The following CHST11 variants were observed in gnomAD, a reference collection of about 807,000 sequenced individuals.
CHST11 encodes the protein carbohydrate sulfotransferase 11.
In CHST11, 9 loss-of-function variants were observed where a neutral mutation model predicts 30.4. The ratio of observed to expected loss-of-function variants is 0.30; its 90% CI spans 0.18 to 0.52. CHST11 has a LOEUF of 0.52. Among genes scored for constraint, CHST11 ranks in the 20% least tolerant of loss-of-function variants. The pLI, the probability that CHST11 is intolerant of heterozygous loss-of-function variation, is 0.97. For synonymous variants in CHST11, 152 were observed against 187.8 expected, an observed-to-expected ratio of 0.81 and a Z score of 1.56; for missense variants, 348 against 460.6, an observed-to-expected ratio of 0.76 and a Z score of 2.24.
chr12:104,690,505 TA>T (rs1288452820), intron 2 of CHST11, among the ~76,000 whole-genome samples: 1 of 152,176 alleles, frequency 6.6e-6, no homozygotes, highest in Non-Finnish European at 1.5e-5. Flanking sequence ...TGGCCAGTCA[TA>T]AAACAATGAC....
At chr12:104,710,246 T>A (rs2040075220) in intron 2 of CHST11, among the ~76,000 whole-genome samples, 1 of 152,162 alleles carries the variant, frequency 6.6e-6, no homozygotes, top group Non-Finnish European at 1.5e-5. Flanking sequence ...CCTTGATTCC[T>A]CTGTCAGCTG....
intron 2 of CHST11, among the ~76,000 whole-genome samples, chr12:104,607,500 A>T (rs944516718): frequency 2.0e-5 from 3 of 152,140 alleles, no homozygotes; most frequent in African/African-American, 7.2e-5. Flanking sequence ...GTTATGAGAG[A>T]ATCAGGAGTG....
intron 2 of CHST11, among the ~76,000 whole-genome samples, chr12:104,700,836 C>T (rs920824410): frequency 1.3e-5 from 2 of 152,092 alleles, no homozygotes; most frequent in African/African-American, 4.8e-5. Flanking sequence ...TTGGGCTGGG[C>T]GCGGTGGCTC....
intron 1 of CHST11, among the ~76,000 whole-genome samples, chr12:104,599,805 C>T (rs1256456977): frequency 6.6e-6 from 1 of 152,126 alleles, no homozygotes; most frequent in African/African-American, 2.4e-5. Context: ...CAAACTCTAG[C>T]CCAAGGGCCA....
intron 2 of CHST11, among the ~76,000 whole-genome samples, chr12:104,743,419 G>C (rs1195943996): frequency 6.6e-6 from 1 of 152,228 alleles, no homozygotes; most frequent in South Asian, 2.1e-4. Context: ...GTGAGCAGGG[G>C]CAGCTGGGCT....
intron 2 of CHST11, among the ~76,000 whole-genome samples, chr12:104,688,587 T>C (rs1474573932): frequency 1.3e-5 from 2 of 152,242 alleles, no homozygotes; most frequent in Non-Finnish European, 2.9e-5. Flanking sequence ...CTGAAACGTG[T>C]ATTTAAAAAC....
chr12:104,557,100 C>T (rs1476746887), intron 1 of CHST11, among the ~76,000 whole-genome samples: 1 of 152,152 alleles, frequency 6.6e-6, no homozygotes, highest in Non-Finnish European at 1.5e-5. Context: ...TTTGCAGAGA[C>T]CCTGTTTCCA....
intron 2 of CHST11, among the ~76,000 whole-genome samples, chr12:104,741,295 G>T (rs915868704): frequency 2.6e-5 from 4 of 152,208 alleles, no homozygotes; most frequent in Admixed American, 1.3e-4. Flanking sequence ...GGCAGGGGTA[G>T]GAGGAGGGCT....
intron 2 of CHST11, among the ~76,000 whole-genome samples, chr12:104,718,293 C>T (rs1186163419): frequency 2.0e-5 from 3 of 152,152 alleles, no homozygotes; most frequent in Admixed American, 1.3e-4. Context: ...GGATTTGAAC[C>T]CAGGGAGTTG....
At chr12:104,631,466 C>T (rs913152465) in intron 2 of CHST11, among the ~76,000 whole-genome samples, 5 of 152,142 alleles carry the variant, frequency 3.3e-5, no homozygotes, top group South Asian at 2.1e-4. Context: ...ACTTGCTTTC[C>T]GAGGCCACCT....
chr12:104,554,399 C>A (rs1355003445), intron 1 of CHST11, among the ~76,000 whole-genome samples: 1 of 152,198 alleles, frequency 6.6e-6, no homozygotes, highest in Non-Finnish European at 1.5e-5. Flanking sequence ...ATGGGCCTGG[C>A]TGACCAGTGA....
intron 2 of CHST11, among the ~76,000 whole-genome samples, chr12:104,709,117 T>C (rs1201034943): frequency 2.0e-5 from 3 of 152,228 alleles, no homozygotes; most frequent in Non-Finnish European, 4.4e-5. Flanking sequence ...AAGCAGCAGA[T>C]GTCAATGACA....
chr12:104,633,427 T>G (rs1417178544), intron 2 of CHST11, among the ~76,000 whole-genome samples: 1 of 148,746 alleles, frequency 6.7e-6, no homozygotes, highest in Non-Finnish European at 1.5e-5. Flanking sequence ...TTTTTTTTTT[T>G]TTTTTGAGAT....
rs546121547 is a variant in CHST11, at chr12:104,682,677, G to A, written c.205-74272G>A. Among the ~76,000 whole-genome samples, 42 of 152,354 alleles carry A rather than the reference G, an allele frequency of 2.8e-4. 1 individual carries two copies. The highest frequency in any genetic ancestry group is 2.0e-3 in the Admixed American group (30 of 15,302). On this transcript the variant is annotated intron_variant, in intron 2 of 2. Transcript: ENST00000303694. ...TTGGGAGAATCTGAGACAGACTAGA[G>A]ATAGCAATGGTATCCTCCATATGGC...
At chr12:104,659,528 A>C (rs548252807) in intron 2 of CHST11, among the ~76,000 whole-genome samples, 123 of 152,280 alleles carry the variant, frequency 8.1e-4, no homozygotes, top group African/African-American at 2.9e-3. Flanking sequence ...GTGAATTGAG[A>C]CATGCTGTAA....
rs557697175 is a variant in CHST11 at position 104,580,294 on chromosome 12, A to G, written c.119-21612A>G. Among the ~76,000 whole-genome samples, 6 of 152,334 alleles carry G rather than the reference A, an allele frequency of 3.9e-5. No individual in the cohort carries two copies. The South Asian group carries it at 1.2e-3, about 32-fold the overall frequency. On this transcript the variant is annotated intron_variant, in intron 1 of 2. Coordinates refer to ENST00000303694, the MANE Select transcript of CHST11 (RefSeq NM_018413.6). Reference sequence around the variant, plus strand: ...GGTTCTGGATTTGACTAAAGTTTCTAATATTGTTCAGCCACAATAAAGCCA... The same window carrying G: ...GGTTCTGGATTTGACTAAAGTTTCTGATATTGTTCAGCCACAATAAAGCCA...
chr12:104,593,426 CATGA>C (rs1014679340), intron 1 of CHST11, among the ~76,000 whole-genome samples: 6 of 152,148 alleles, frequency 3.9e-5, no homozygotes, highest in African/African-American at 1.4e-4. Flanking sequence ...TTGATAATGG[CATGA>C]ATGACAGGTT....
chr12:104,577,486 C>G (rs1353058433), intron 1 of CHST11, among the ~76,000 whole-genome samples: 1 of 151,958 alleles, frequency 6.6e-6, no homozygotes, highest in African/African-American at 2.4e-5. Context: ...GGGTGGTAGG[C>G]TACATTATCA....
chr12:104,658,741 A>C (rs2039569141), intron 2 of CHST11, among the ~76,000 whole-genome samples: 1 of 152,176 alleles, frequency 6.6e-6, no homozygotes, highest in Non-Finnish European at 1.5e-5. Flanking sequence ...GCTCCATAAT[A>C]ATGATAACTA....
Sources: allele counts gnomAD v4.1 joint callset (sites outside exome capture counted in the v4.1 genomes callset), GRCh38; gene constraint gnomAD v4.1.1; transcripts MANE v1.5; gene names NCBI Gene and HGNC (gene_info 2026-07-23, HGNC 2026-07-21).